Variants in BIRC6 observed in about 807,000 individuals in gnomAD.
The protein encoded by BIRC6 is baculoviral IAP repeat containing 6, also known as dual E2 ubiquitin-conjugating enzyme/E3 ubiquitin-protein ligase BIRC6.
In BIRC6, 98 loss-of-function variants were observed where a neutral mutation model predicts 503.3. The ratio of observed to expected loss-of-function variants is 0.19; its 90% CI spans 0.17 to 0.23. The LOEUF is 0.23. BIRC6 is among the 10% of genes least tolerant of loss of function. The probability of loss-of-function intolerance (pLI) is 1.00; values close to 1 mark genes in which losing one functional copy is unlikely to be tolerated. For missense variants in BIRC6, 5,360 were observed against 5,806.0 expected (o/e 0.92, Z 2.50); for synonymous variants, 2,240 against 2,078.7 (o/e 1.08, Z -2.11).
intron 71 of BIRC6, among the ~76,000 whole-genome samples, chr2:32,604,619 A>T (rs1177176486): frequency 2.0e-5 from 3 of 152,246 alleles, no homozygotes; most frequent in Non-Finnish European, 4.4e-5. Flanking sequence ...TATTCTTATC[A>T]AATACAAACT....
chr2:32,436,022 T>C (rs1439494581), intron 14 of BIRC6, 31 bp from the exon 15 acceptor site: 1 of 1,281,710 alleles, frequency 7.8e-7, no homozygotes, highest in Non-Finnish European at 1.0e-6. Flanking sequence ...ATGAATGAAT[T>C]TAAAAGAAAA....
chr2:32,482,800 G>A (rs1411058982), intron 39 of BIRC6, among the ~76,000 whole-genome samples: 3 of 152,074 alleles, frequency 2.0e-5, no homozygotes, highest in Non-Finnish European at 4.4e-5. Context: ...AGCAAGTGTT[G>A]TATGGGATTG....
chr2:32,544,345 A>G (rs2057897211), intron 62 of BIRC6, among the ~76,000 whole-genome samples: 2 of 152,078 alleles, frequency 1.3e-5, no homozygotes, highest in African/African-American at 4.8e-5. Flanking sequence ...TATTAATGAT[A>G]ACATAGAATA....
At chr2:32,414,710 C>T in intron 9 of BIRC6, 59 bp from the exon 10 acceptor site, 1 of 1,242,492 alleles carries the variant, frequency 8.0e-7, no homozygotes, top group Non-Finnish European at 1.1e-6. Flanking sequence ...CTTGTGTATT[C>T]ATAATGTGCT....
intron 60 of BIRC6, among the ~76,000 whole-genome samples, chr2:32,530,544 T>G (rs1033611174): frequency 6.6e-6 from 1 of 152,216 alleles, no homozygotes; most frequent in Non-Finnish European, 1.5e-5. Flanking sequence ...AATATCCATT[T>G]TTGAATTGGC....
At chr2:32,518,743 CT>C in intron 56 of BIRC6, 73 bp from the exon 57 acceptor site, 1 of 1,475,788 alleles carries the variant, frequency 6.8e-7, no homozygotes, top group Non-Finnish European at 9.3e-7. Flanking sequence ...TTCTTAGATG[CT>C]TTTGAGATTA....
Position 32,491,562 on chromosome 2 carries a change from A to AGG in BIRC6, c.8340+4_8340+5insGG. On this transcript the variant is annotated splice_donor_region_variant and intron_variant, in intron 44 of 73. Transcript: ENST00000421745. Reference sequence around the variant, plus strand: ...AACAAATCAACACAGTCCACAGGTAATATGATGTTTAGCCTGGCATATGCC... The same window carrying AGG: ...AACAAATCAACACAGTCCACAGGTAAGGTATGATGTTTAGCCTGGCATATGCC... 1 of 1,612,080 alleles carries AGG rather than the reference A, an allele frequency of 6.2e-7. No homozygotes were observed. Among genetic ancestry groups the AGG allele is most frequent in the Non-Finnish European group, 8.5e-7 (1 of 1,179,216 alleles).
At chr2:32,616,231 T>A (rs1306643441) in intron 73 of BIRC6, among the ~76,000 whole-genome samples, 2 of 152,118 alleles carry the variant, frequency 1.3e-5, no homozygotes, top group Non-Finnish European at 2.9e-5. Context: ...CTTAATTTTT[T>A]AAAAAGTTCT....
chr2:32,382,661 C>T (rs2037845414), intron 3 of BIRC6, among the ~76,000 whole-genome samples: 3 of 152,238 alleles, frequency 2.0e-5, no homozygotes, highest in Non-Finnish European at 4.4e-5. Context: ...GGCTACTCAG[C>T]ATCTCCATTC....
intron 20 of BIRC6, among the ~76,000 whole-genome samples, chr2:32,444,386 G>C (rs1450723378): frequency 6.6e-6 from 1 of 151,980 alleles, no homozygotes; most frequent in Non-Finnish European, 1.5e-5. Context: ...CAATTATTAT[G>C]TATCAAAAAA....
chr2:32,439,517 G>A lies in BIRC6; in HGVS notation c.3641G>A (p.Gly1214Glu). The change falls in exon 16 of 74, where the codon GGA becomes GAA. Residue 1214 changes from glycine (G) to glutamate (E), a missense_variant. Gly to Glu is a moderately conservative substitution (Grantham distance 98). Around this residue, in one of 16 missense-constraint regions of BIRC6, gnomAD observed 2,299 missense variants for 2,267.2 expected, o/e 1.01. Transcript: ENST00000421745. ...TSPKLVKGMAGGKYRSFLIHV... is the reference protein window; with the variant it reads ...TSPKLVKGMAEGKYRSFLIHV... ...TACTCCACTTCTCTAGGTATGGCAG[G>A]AGGAAAATATCGTTCGTTTTTAATC... The A allele has an allele frequency of 1.2e-6, 2 of 1,613,238 alleles. No homozygotes were observed. Among genetic ancestry groups the A allele is most frequent in the Admixed American group, 1.7e-5 (1 of 59,942 alleles).
intron 60 of BIRC6, among the ~76,000 whole-genome samples, chr2:32,530,772 T>C (rs1012513507): frequency 2.6e-5 from 4 of 152,218 alleles, no homozygotes; most frequent in African/African-American, 9.6e-5. Context: ...ACATTGTCTT[T>C]GCCCAGTTTT....
At position 32,514,916 on chromosome 2, in the gene BIRC6, A is replaced by G. The variant is rs1015965009; in HGVS notation, c.10569-74A>G. On this transcript the variant is annotated intron_variant, in intron 54 of 73. Coordinates refer to ENST00000421745, the MANE Select transcript of BIRC6 (RefSeq NM_016252.4). ...ATAATGTCAGAGTATACTTTGAACT[A>G]TAACAGAAATATTTGAAATAGTTTC... The G allele has an allele frequency of 5.8e-6, 7 of 1,212,016 alleles. No individual in the cohort carries two copies. The South Asian group carries it at 6.0e-5, about 10-fold the overall frequency. 75.1% of individuals were successfully genotyped at this position (1,212,016 alleles called of 1,614,324 possible).
At chr2:32,490,563 A>G (rs192244988) in intron 43 of BIRC6, among the ~76,000 whole-genome samples, 1 of 152,210 alleles carries the variant, frequency 6.6e-6, no homozygotes. Context: ...TTTTTCTTCT[A>G]ACATGTCTCT....
Position 32,582,883 on chromosome 2 carries a change from T to C in BIRC6, c.13355+7517T>C, listed in dbSNP as rs550422166. On this transcript the variant is annotated intron_variant, in intron 66 of 73. Coordinates refer to ENST00000421745, the MANE Select transcript of BIRC6 (RefSeq NM_016252.4). ...ATTATAGAGTTTTCACTATTATATA[T>C]AGTAATGTATCAGGTACATAATTAT... Among the ~76,000 whole-genome samples, 46 of 152,346 alleles carry C rather than the reference T, an allele frequency of 3.0e-4. 1 individual carries two copies. The South Asian group carries it at 6.4e-3, about 21-fold the overall frequency.
Position 32,436,195 on chromosome 2 carries a change from A to C in BIRC6, c.3631+11A>C. On this transcript the variant is annotated intron_variant, in intron 15 of 73. Transcript: ENST00000421745. ...CCAAACTTGTTAAAGGTGAAGTAAT[A>C]CATTTTACAAAAGCAGAATTAATAA... 7.2e-7 allele frequency: 1 copy of C among 1,391,610 alleles called. No homozygotes were observed. Among genetic ancestry groups the C allele is most frequent in the Non-Finnish European group, 9.5e-7 (1 of 1,055,218 alleles). The allele number at this position is 1,391,610 out of a possible 1,614,324, so 86.2% of individuals were successfully genotyped here.
intron 50 of BIRC6, among the ~76,000 whole-genome samples, chr2:32,505,900 G>A (rs2053744727): frequency 6.6e-6 from 1 of 151,874 alleles, no homozygotes; most frequent in South Asian, 2.1e-4. Context: ...TGCCCAGGCT[G>A]GAGTGCAGTT....
At chr2:32,490,544 T>G (rs2051574480) in intron 43 of BIRC6, among the ~76,000 whole-genome samples, 1 of 152,048 alleles carries the variant, frequency 6.6e-6, no homozygotes, top group South Asian at 2.1e-4. Context: ...CCAATAAAAG[T>G]GACTGAGTTT....
chr2:32,584,356 C>T (rs1293691326), intron 66 of BIRC6, among the ~76,000 whole-genome samples: 1 of 152,000 alleles, frequency 6.6e-6, no homozygotes, highest in Non-Finnish European at 1.5e-5. Context: ...ATGGTGAAAC[C>T]CCATCTCTAC....
Sources: allele counts gnomAD v4.1 joint callset (sites outside exome capture counted in the v4.1 genomes callset), GRCh38; gene constraint gnomAD v4.1.1; regional missense constraint gnomAD v4.1.1; transcripts MANE v1.5; gene names NCBI Gene and HGNC (gene_info 2026-07-23, HGNC 2026-07-21).